VTI1A: variants seen among roughly 807,000 people sequenced by gnomAD.
The protein encoded by VTI1A is vesicle transport through interaction with t-SNAREs 1A.
VTI1A carries 22 observed loss-of-function variants against 34.9 expected under a neutral mutation model. The ratio of observed to expected loss-of-function variants is 0.63; its 90% CI spans 0.45 to 0.90. The LOEUF is 0.90. VTI1A is among the 40% of genes least tolerant of loss of function. The pLI is 0.00. For synonymous variants in VTI1A, 87 were observed against 97.3 expected (o/e 0.89, Z 0.62); for missense variants, 268 against 275.6 (o/e 0.97, Z 0.20).
intron 7 of VTI1A, among the ~76,000 whole-genome samples, chr10:112,768,664 A>G (rs11196098): frequency 0.18 from 27,209 of 152,176 alleles, 3,320 homozygotes; most frequent in African/African-American, 0.34. Context: ...AGTGCAGTTC[A>G]TGATCCCAGG....
intron 4 of VTI1A, among the ~76,000 whole-genome samples, chr10:112,532,229 T>C (rs1850471576): frequency 6.6e-6 from 1 of 152,204 alleles, no homozygotes; most frequent in Non-Finnish European, 1.5e-5. Flanking sequence ...CATTGAGATA[T>C]CCGGGCTATA....
intron 5 of VTI1A, among the ~76,000 whole-genome samples, chr10:112,551,017 G>A (rs997619887): frequency 2.0e-5 from 3 of 152,092 alleles, no homozygotes; most frequent in Non-Finnish European, 4.4e-5. Context: ...GCCAAGGCGG[G>A]CGGATCACGA....
intron 5 of VTI1A, among the ~76,000 whole-genome samples, chr10:112,614,113 T>C (rs918897566): frequency 1.3e-5 from 2 of 152,144 alleles, no homozygotes; most frequent in Admixed American, 6.5e-5. Context: ...ATTGTACTCA[T>C]GGAAATGTGC....
At chr10:112,699,944 T>C (rs545075099) in intron 7 of VTI1A, among the ~76,000 whole-genome samples, 23 of 150,334 alleles carry the variant, frequency 1.5e-4, no homozygotes, top group African/African-American at 4.9e-4. Flanking sequence ...GATGGTGAAA[T>C]CCTGTCTCTA....
At chr10:112,526,662 G>A (rs1372799660) in intron 3 of VTI1A, among the ~76,000 whole-genome samples, 1 of 151,644 alleles carries the variant, frequency 6.6e-6, no homozygotes, top group Non-Finnish European at 1.5e-5. Flanking sequence ...GACTTTTAAA[G>A]TGCTAAATTG....
chr10:112,531,386 C>T (rs1278335122), intron 4 of VTI1A, among the ~76,000 whole-genome samples: 1 of 151,070 alleles, frequency 6.6e-6, no homozygotes, highest in Non-Finnish European at 1.5e-5. Flanking sequence ...CGAGAAAATA[C>T]GAAATCACGA....
intron 5 of VTI1A, among the ~76,000 whole-genome samples, chr10:112,596,503 G>C (rs963941075): frequency 2.6e-5 from 4 of 152,014 alleles, no homozygotes; most frequent in Admixed American, 2.0e-4. Context: ...ATTGCAGTAG[G>C]GATAGTTATT....
intron 7 of VTI1A, among the ~76,000 whole-genome samples, chr10:112,766,023 GA>G (rs1851636956): frequency 6.6e-6 from 1 of 152,216 alleles, no homozygotes; most frequent in African/African-American, 2.4e-5. Flanking sequence ...GCTTATGCAA[GA>G]GCCCTGTGGT....
chr10:112,538,894 A>C (rs1850757561), intron 5 of VTI1A, among the ~76,000 whole-genome samples: 1 of 152,204 alleles, frequency 6.6e-6, no homozygotes, highest in Non-Finnish European at 1.5e-5. Context: ...TGTTCATGAT[A>C]ATCTTATTAG....
At chr10:112,531,741 G>T (rs1256598433) in intron 4 of VTI1A, among the ~76,000 whole-genome samples, 5 of 152,146 alleles carry the variant, frequency 3.3e-5, no homozygotes, top group Non-Finnish European at 5.9e-5. Flanking sequence ...GTCAACCAAA[G>T]AATAGTGCCC....
chr10:112,796,345 G>T lies in VTI1A; in HGVS notation c.561-18945G>T, dbSNP rs975122778. Among the ~76,000 whole-genome samples the T allele has an allele frequency of 4.6e-5, 7 of 151,222 alleles. No individual in the cohort carries two copies. In the East Asian group the frequency reaches 9.7e-4, roughly 21 times the overall value. Reference sequence around the variant, plus strand: ...CACTTGAACTCCAGAGGCCAAGGTTGCAGTGAGCCGAGATTGAGCCACTGC... The same window carrying T: ...CACTTGAACTCCAGAGGCCAAGGTTTCAGTGAGCCGAGATTGAGCCACTGC... On this transcript the variant is annotated intron_variant, in intron 7 of 7. Coordinates refer to ENST00000393077, the MANE Select transcript of VTI1A (RefSeq NM_145206.4).
At chr10:112,659,456 C>T (rs1847364336) in intron 5 of VTI1A, among the ~76,000 whole-genome samples, 1 of 152,188 alleles carries the variant, frequency 6.6e-6, no homozygotes, top group African/African-American at 2.4e-5. Flanking sequence ...CATTCCAGAG[C>T]ATCGTTACTG....
At chr10:112,540,553 T>G (rs1850827628) in intron 5 of VTI1A, among the ~76,000 whole-genome samples, 2 of 152,174 alleles carry the variant, frequency 1.3e-5, no homozygotes, top group South Asian at 4.1e-4. Context: ...TAATTTACTT[T>G]TGTGGATGAA....
At chr10:112,747,389 G>C (rs1377026680) in intron 7 of VTI1A, among the ~76,000 whole-genome samples, 3 of 152,170 alleles carry the variant, frequency 2.0e-5, no homozygotes, top group East Asian at 3.9e-4. Context: ...ACACACCTAG[G>C]CTGTAAGGTA....
intron 7 of VTI1A, among the ~76,000 whole-genome samples, chr10:112,728,194 C>T (rs1045248090): frequency 6.6e-6 from 1 of 151,982 alleles, no homozygotes; most frequent in Admixed American, 6.6e-5. Context: ...TTCCCCCCAC[C>T]CCCCTCAAAA....
intron 5 of VTI1A, among the ~76,000 whole-genome samples, chr10:112,598,654 G>A (rs1844762901): frequency 6.6e-6 from 1 of 152,128 alleles, no homozygotes; most frequent in South Asian, 2.1e-4. Flanking sequence ...CATAATGTAG[G>A]ATACATCAAA....
intron 7 of VTI1A, among the ~76,000 whole-genome samples, chr10:112,760,819 G>T (rs150797893): frequency 0.03 from 4,476 of 150,490 alleles, 236 homozygotes; most frequent in African/African-American, 0.1. Context: ...AACCCAGGAG[G>T]CAGAGGTTGC....
intron 6 of VTI1A, among the ~76,000 whole-genome samples, chr10:112,668,612 T>C (rs1847732865): frequency 6.6e-6 from 1 of 152,122 alleles, no homozygotes; most frequent in African/African-American, 2.4e-5. Flanking sequence ...CTTCATTTTA[T>C]TTTTGTTTAT....
chr10:112,571,841 A>C (rs1179154281), intron 5 of VTI1A, among the ~76,000 whole-genome samples: 2 of 152,228 alleles, frequency 1.3e-5, no homozygotes, highest in Non-Finnish European at 2.9e-5. Flanking sequence ...CTTTGCAGGA[A>C]CGTGGATGAA....
Sources: allele counts gnomAD v4.1 joint callset (sites outside exome capture counted in the v4.1 genomes callset), GRCh38; gene constraint gnomAD v4.1.1; transcripts MANE v1.5; gene names NCBI Gene and HGNC (gene_info 2026-07-23, HGNC 2026-07-21).